HEG1: variants seen among roughly 807,000 people sequenced by gnomAD.
HEG1 encodes the protein heart development protein with EGF like domains 1, also known as protein HEG homolog 1.
A neutral mutation model predicts 125.6 loss-of-function variants in HEG1; 56 were observed. The ratio of observed to expected loss-of-function variants is 0.45; its 90% CI spans 0.36 to 0.56. The LOEUF is 0.56. Ranked by LOEUF, HEG1 falls within the 20% of genes least tolerant of loss-of-function variation. The probability of loss-of-function intolerance (pLI) is 0.00; values close to 1 mark genes in which losing one functional copy is unlikely to be tolerated. For missense variants in HEG1, 1,523 were observed against 1,670.0 expected (o/e 0.91, Z 1.53); for synonymous variants, 644 against 668.5 (o/e 0.96, Z 0.57).
In HEG1 at chr3:124,969,910, T is replaced by G. The variant is rs1211279360; in HGVS notation, c.*742A>C. On this transcript the variant is annotated 3_prime_UTR_variant, in exon 17 of 17. Coordinates refer to ENST00000311127, the MANE Select transcript of HEG1 (RefSeq NM_020733.2). Reference sequence around the variant, plus strand: ...TAAGTTGTTTTGCCCTGATCCAGGCTTGTTTGAAAAAGTGAGATTTAACTG... The same window carrying G: ...TAAGTTGTTTTGCCCTGATCCAGGCGTGTTTGAAAAAGTGAGATTTAACTG... 6.6e-6 allele frequency: 1 copy of G among 152,194 alleles called. No homozygotes were observed. Among genetic ancestry groups the G allele is most frequent in the Non-Finnish European group, 1.5e-5 (1 of 68,032 alleles). The allele number at this position is 152,194 out of a possible 1,614,324, so 9.4% of individuals were successfully genotyped here. A position where few individuals can be genotyped will look rare whatever the true frequency, so the allele number is the denominator to read the frequency against.
rs1277226215 is a variant in HEG1, at chr3:124,968,241, G to C, written c.*2411C>G. 6.6e-6 allele frequency: 1 copy of C among 152,330 alleles called. No homozygotes were observed. Among genetic ancestry groups the C allele is most frequent in the African/African-American group, 2.4e-5 (1 of 41,422 alleles). 9.4% of individuals were successfully genotyped at this position (152,330 alleles called of 1,614,324 possible). A position where few individuals can be genotyped will look rare whatever the true frequency, so the allele number is the denominator to read the frequency against. ...CCTAGGCGGGACCCTTCTGCAGCTA[G>C]GAACCCCGTGCAGGAGTGCAGCTGG... is the stretch of plus-strand genomic sequence containing the variant. On this transcript the variant is annotated 3_prime_UTR_variant, in exon 17 of 17. Coordinates refer to ENST00000311127, the MANE Select transcript of HEG1 (RefSeq NM_020733.2).
intron 1 of HEG1, among the ~76,000 whole-genome samples, chr3:125,051,448 G>T (rs979902212): frequency 6.6e-6 from 1 of 152,232 alleles, no homozygotes; most frequent in Non-Finnish European, 1.5e-5. Flanking sequence ...CAAGCACATG[G>T]ATTTGGTCAA....
chr3:124,981,660 T>C (rs945609256), intron 14 of HEG1, among the ~76,000 whole-genome samples: 1 of 152,038 alleles, frequency 6.6e-6, no homozygotes, highest in African/African-American at 2.4e-5. Context: ...CTGGTTTAGA[T>C]TACACAGGAG....
Position 125,013,900 on chromosome 3 carries a change from G to C in HEG1, c.1679C>G (p.Thr560Ser). Residue 560 changes from threonine to serine, a missense_variant, in exon 6 of 17, where the codon ACT becomes AGT. By Grantham distance (58) the Thr-to-Ser change is moderately conservative (BLOSUM62 1). Coordinates refer to ENST00000311127, the MANE Select transcript of HEG1 (RefSeq NM_020733.2). The stretch of plus-strand genomic sequence containing the variant: ...TAACGCCCGTTCTCCTTTGGTGAAA[G>C]TAGATGACAGGTAGGTGTGGTCTGT... ...DHTDHTYLSSTFTKGERALLS... is the reference protein window; with the variant it reads ...DHTDHTYLSSSFTKGERALLS... 1.2e-6 allele frequency: 2 copies of C among 1,613,952 alleles called. No homozygotes were observed. Among genetic ancestry groups the C allele is most frequent in the Non-Finnish European group, 8.5e-7 (1 of 1,179,874 alleles).
chr3:124,997,711 G>T lies in HEG1; in HGVS notation c.3630C>A (p.Asn1210Lys), dbSNP rs770545333. 46 of 1,590,386 alleles carry T rather than the reference G, an allele frequency of 2.9e-5. No homozygotes were observed. The highest frequency in any genetic ancestry group is 1.7e-5 in the Admixed American group (1 of 58,812). Residue 1210 changes from asparagine to lysine, a missense_variant, in exon 12 of 17, where the codon AAC becomes AAA. Physicochemically the swap from Asn to Lys is moderately conservative, Grantham distance 94. Coordinates refer to ENST00000311127, the MANE Select transcript of HEG1 (RefSeq NM_020733.2). ...TACCTCGGCAGGAGTGGTCCATCTT[G>T]TTGAACTGAAAGTATCCCGACTTGC... is the stretch of plus-strand genomic sequence containing the variant. ...CQCKSGYFQF[N>K]KMDHSCRACE...
intron 1 of HEG1, among the ~76,000 whole-genome samples, chr3:125,036,051 T>TA (rs549406173): frequency 5.4e-5 from 8 of 149,212 alleles, no homozygotes; most frequent in South Asian, 2.1e-4. Context: ...CTCTACAAAA[T>TA]AAAAAAAAAT....
intron 7 of HEG1, 31 bp downstream of exon 7, chr3:125,010,408 G>C (rs1402620549): frequency 1.4e-6 from 2 of 1,399,352 alleles, no homozygotes; most frequent in African/African-American, 2.9e-5. Flanking sequence ...GTACTGTGGT[G>C]CAGACCACTG....
intron 1 of HEG1, among the ~76,000 whole-genome samples, chr3:125,046,950 C>T (rs1344170429): frequency 6.6e-6 from 1 of 152,238 alleles, no homozygotes; most frequent in African/African-American, 2.4e-5. Flanking sequence ...TGGCATACTG[C>T]TTTTATTCAA....
In HEG1 at chr3:125,052,838, C is replaced by A. The variant is rs992409039; in HGVS notation, c.316+2737G>T. ...GGACTTACAGTCTAATACAGGCAAA[C>A]AATCCACATAATGGAATGCAAACGC... On this transcript the variant is annotated intron_variant, in intron 1 of 16. Transcript: ENST00000311127. 2.0e-5 allele frequency among the ~76,000 whole-genome samples: 3 copies of A among 152,304 alleles called. No individual in the cohort carries two copies. The South Asian group carries it at 6.2e-4, about 32-fold the overall frequency.
intron 6 of HEG1, 62 bp from the exon 7 acceptor site, chr3:125,010,617 G>T: frequency 1.0e-6 from 1 of 982,244 alleles, no homozygotes; most frequent in South Asian, 1.6e-5. Flanking sequence ...GCAGCTTTAG[G>T]TAAATATTTA....
At chr3:125,043,053 G>A (rs1937608047) in intron 1 of HEG1, among the ~76,000 whole-genome samples, 1 of 152,220 alleles carries the variant, frequency 6.6e-6, no homozygotes, top group South Asian at 2.1e-4. Context: ...TCTGAAAGAA[G>A]CAGCCCTAAG....
chr3:125,022,715 AAAAG>A (rs1480421976), intron 3 of HEG1, among the ~76,000 whole-genome samples: 1 of 40,822 alleles, frequency 2.4e-5, no homozygotes, highest in Admixed American at 2.4e-4. Context: ...AAATAAAAAG[AAAAG>A]AAAGCATTAT....
chr3:124,974,239 G>C (rs1309732931), intron 15 of HEG1, among the ~76,000 whole-genome samples: 3 of 152,078 alleles, frequency 2.0e-5, no homozygotes, highest in Non-Finnish European at 4.4e-5. Flanking sequence ...AGGAAAACAA[G>C]GGTCATAAAT....
chr3:125,006,035 C>T (rs965904009), intron 8 of HEG1, among the ~76,000 whole-genome samples: 2 of 152,180 alleles, frequency 1.3e-5, no homozygotes, highest in East Asian at 1.9e-4. Context: ...GGCATTGGAG[C>T]GTATGCGTGT....
chr3:125,024,582 T>A (rs1357875498), intron 3 of HEG1, among the ~76,000 whole-genome samples: 1 of 152,230 alleles, frequency 6.6e-6, no homozygotes, highest in African/African-American at 2.4e-5. Flanking sequence ...AGAAAAACAA[T>A]TTCCAATGGT....
Position 125,019,277 on chromosome 3 carries a change from G to T in HEG1, c.1573C>A (p.Arg525Ser). ...SSESLNSSAP[R>S]GERSIAGISY... ...AAAAACTCACTCGAACGTTCTCCAC[G>T]TGGTGCTGATGAATTCAAGCTTTCC... is the stretch of plus-strand genomic sequence containing the variant. The change falls in exon 5 of 17, where the codon CGT becomes AGT. Residue 525 changes from arginine to serine, a missense_variant. Arg to Ser is a moderately radical substitution (Grantham distance 110, BLOSUM62 -1). Transcript: ENST00000311127. The T allele has an allele frequency of 6.2e-7, 1 of 1,608,750 alleles. No individual in the cohort carries two copies. Among genetic ancestry groups the T allele is most frequent in the Non-Finnish European group, 8.5e-7 (1 of 1,175,374 alleles).
intron 1 of HEG1, among the ~76,000 whole-genome samples, chr3:125,046,200 C>T (rs1028749340): frequency 1.3e-5 from 2 of 152,064 alleles, no homozygotes; most frequent in Non-Finnish European, 2.9e-5. Context: ...CACTCCATTA[C>T]CATAAAGCAT....
In HEG1 at chr3:124,967,919, C is replaced by A. The variant is rs1200399989; in HGVS notation, c.*2733G>T. 4 of 152,426 alleles carry A rather than the reference C, an allele frequency of 2.6e-5. No homozygotes were observed. The highest frequency in any genetic ancestry group is 9.6e-5 in the African/African-American group (4 of 41,456). The allele number at this position is 152,426 out of a possible 1,614,324, so 9.4% of individuals were successfully genotyped here. On this transcript the variant is annotated 3_prime_UTR_variant, in exon 17 of 17. Coordinates refer to ENST00000311127, the MANE Select transcript of HEG1 (RefSeq NM_020733.2). ...TGGAGCTTAAACCAAACCACTGATG[C>A]CAGGGAGCCAGCCAGCCACCCTTCC...
chr3:124,999,352 A>C (rs1321780091), intron 11 of HEG1, among the ~76,000 whole-genome samples: 4 of 152,244 alleles, frequency 2.6e-5, no homozygotes, highest in African/African-American at 9.6e-5. Context: ...AGCTGGCACC[A>C]GGGAGGTAAT....
Sources: allele counts gnomAD v4.1 joint callset (sites outside exome capture counted in the v4.1 genomes callset), GRCh38; gene constraint gnomAD v4.1.1; transcripts MANE v1.5; gene names NCBI Gene and HGNC (gene_info 2026-07-23, HGNC 2026-07-21).